Variants in CYFIP1 observed in about 807,000 individuals in gnomAD.
CYFIP1 encodes the protein cytoplasmic FMR1-interacting protein 1.
A neutral mutation model predicts 163.5 loss-of-function variants in CYFIP1; 58 were observed. That is an observed-to-expected ratio of 0.35 (90% CI 0.29 to 0.44). The LOEUF (loss-of-function observed/expected upper bound fraction) is 0.44, where lower values mean the gene tolerates loss of function less well. Among genes scored for constraint, CYFIP1 ranks in the 20% least tolerant of loss-of-function variants. CYFIP1 has a pLI of 1.00. For missense variants in CYFIP1, 1,338 were observed against 1,653.8 expected (o/e 0.81, Z 3.31); for synonymous variants, 663 against 660.7 (o/e 1.00, Z -0.05).
At chr15:22,957,365 A>G (rs567405553) in intron 1 of CYFIP1, among the ~76,000 whole-genome samples, 4 of 148,748 alleles carry the variant, frequency 2.7e-5, no homozygotes, top group South Asian at 2.2e-4. Context: ...GGCCGGGCGC[A>G]GTGGCTCACA....
chr15:22,942,327 T>C (rs1030887717), intron 6 of CYFIP1, among the ~76,000 whole-genome samples: 1 of 152,248 alleles, frequency 6.6e-6, no homozygotes, highest in Admixed American at 6.5e-5. Context: ...AGAGCTAAGA[T>C]GCCTTACTTA....
intron 1 of CYFIP1, among the ~76,000 whole-genome samples, chr15:22,969,547 T>C (rs2063018554): frequency 6.6e-6 from 1 of 152,168 alleles, no homozygotes; most frequent in Non-Finnish European, 1.5e-5. Context: ...ATCCTTCTAT[T>C]AGATAACCCT....
chr15:22,880,841 C>T (rs1439568204), intron 25 of CYFIP1, among the ~76,000 whole-genome samples: 1 of 152,074 alleles, frequency 6.6e-6, no homozygotes, highest in Non-Finnish European at 1.5e-5. Context: ...CCCCACTTGG[C>T]GGGGGTGGGG....
chr15:22,963,233 C>T lies in CYFIP1; in HGVS notation c.-6-15942G>A, dbSNP rs532723877. ...TAAAATGAGTAAGAAAGGCCAGACG[C>T]GGTGGCTCACACCTGTAATCTCAGC... On this transcript the variant is annotated intron_variant, in intron 1 of 30. Coordinates refer to ENST00000617928, the MANE Select transcript of CYFIP1 (RefSeq NM_014608.6). 2.6e-3 allele frequency among the ~76,000 whole-genome samples: 390 copies of T among 152,172 alleles called. 3 individuals carry two copies. The highest frequency in any genetic ancestry group is 8.9e-3 in the African/African-American group (370 of 41,496).
At chr15:22,949,459 G>C (rs1380224334) in intron 1 of CYFIP1, among the ~76,000 whole-genome samples, 2 of 152,168 alleles carry the variant, frequency 1.3e-5, no homozygotes, top group African/African-American at 4.8e-5. Flanking sequence ...CAGGAAGGGA[G>C]GTGGAAGGAG....
At chr15:22,870,551 ATCC>A (rs2059405601) in intron 30 of CYFIP1, among the ~76,000 whole-genome samples, 1 of 151,976 alleles carries the variant, frequency 6.6e-6, no homozygotes, top group Admixed American at 6.5e-5. Context: ...AGCTCAAGCA[ATCC>A]TCCTCTGCCT....
At chr15:22,889,051 C>A (rs867398743) in intron 23 of CYFIP1, among the ~76,000 whole-genome samples, 18 of 138,914 alleles carry the variant, frequency 1.3e-4, no homozygotes, top group East Asian at 4.9e-4. Flanking sequence ...AAAAAAAAAA[C>A]ACACAAAAAA....
At chr15:22,876,099 C>T (rs569100741) in intron 26 of CYFIP1, among the ~76,000 whole-genome samples, 3 of 151,694 alleles carry the variant, frequency 2.0e-5, no homozygotes, top group South Asian at 2.1e-4. Context: ...TCAGTGCCTC[C>T]GACCCCACAG....
rs2062009314 is a variant in CYFIP1 at position 22,944,922 on chromosome 15, C to T, written c.225G>A (p.Glu75=). The change falls in exon 4 of 31, where the codon GAG becomes GAA. Residue 75 remains glutamate (E), a synonymous_variant. Transcript: ENST00000617928. ...VHSSMNEMLE[E]GQEYAVMLYT... Reference sequence around the variant, plus strand: ...ACAGCATGACAGCATATTCTTGGCCCTCCTCCAGCATCTCGTTCTGCAATG... The same window carrying T: ...ACAGCATGACAGCATATTCTTGGCCTTCCTCCAGCATCTCGTTCTGCAATG... 1.9e-6 allele frequency: 3 copies of T among 1,614,104 alleles called. No individual in the cohort carries two copies. The South Asian group carries it at 3.3e-5, about 18-fold the overall frequency.
intron 13 of CYFIP1, among the ~76,000 whole-genome samples, chr15:22,920,442 T>TCA (rs2061136957): frequency 6.6e-6 from 1 of 152,190 alleles, no homozygotes; most frequent in Non-Finnish European, 1.5e-5. Context: ...CTGGTTTTAT[T>TCA]CACACCTTTT....
At chr15:22,978,868 G>A (rs969499871) in intron 1 of CYFIP1, among the ~76,000 whole-genome samples, 1 of 152,130 alleles carries the variant, frequency 6.6e-6, no homozygotes, top group Non-Finnish European at 1.5e-5. Context: ...ACAGACAGGC[G>A]GCTGCAAGAG....
chr15:22,914,635 AC>A (rs2060906281), intron 17 of CYFIP1, 90 bp downstream of exon 17: 1 of 1,343,938 alleles, frequency 7.4e-7, no homozygotes, highest in South Asian at 1.6e-5. Context: ...CAAATACAAT[AC>A]TAAAAACAGT....
At chr15:22,881,627 G>A (rs1427574613) in intron 25 of CYFIP1, among the ~76,000 whole-genome samples, 2 of 152,142 alleles carry the variant, frequency 1.3e-5, no homozygotes, top group Non-Finnish European at 2.9e-5. Flanking sequence ...CGAGAGCGTG[G>A]TGTTCAGGGG....
In CYFIP1 at chr15:22,903,797, A is replaced by T; in HGVS notation, c.2497T>A (p.Ser833Thr). ...AGGGTGATCCTCCCGTAGGGCGCTGACACGTTGTGGTTGGCCTCCCGGAAC... is the reference window on the plus strand; with the variant it reads ...AGGGTGATCCTCCCGTAGGGCGCTGTCACGTTGTGGTTGGCCTCCCGGAAC... Reference protein sequence around the residue: ...AMFREANHNVSAPYGRITLHV... With the variant: ...AMFREANHNVTAPYGRITLHV... The change falls in exon 22 of 31, where the codon TCA (serine) becomes ACA (threonine). Residue 833 changes from serine (S) to threonine (T), a missense_variant. Transcript: ENST00000617928. 6.2e-7 allele frequency: 1 copy of T among 1,614,196 alleles called. No individual in the cohort carries two copies. Among genetic ancestry groups the T allele is most frequent in the Non-Finnish European group, 8.5e-7 (1 of 1,180,038 alleles).
chr15:22,976,697 T>C (rs1423393192), intron 1 of CYFIP1, among the ~76,000 whole-genome samples: 1 of 152,188 alleles, frequency 6.6e-6, no homozygotes, highest in Non-Finnish European at 1.5e-5. Flanking sequence ...GCGCCTAATT[T>C]GTAAATTAAG....
At chr15:22,943,392 C>G (rs1387288045) in intron 5 of CYFIP1, 38 bp from the exon 6 acceptor site, 2 of 1,598,000 alleles carry the variant, frequency 1.3e-6, no homozygotes, top group East Asian at 4.5e-5. Flanking sequence ...AGCTGCAGGT[C>G]AGTGAGGAGC....
rs748632659 is a variant in CYFIP1, at chr15:22,870,173, TCCA to T, written c.3614_3616del (p.Val1205del). 1.2e-6 allele frequency: 2 copies of T among 1,610,282 alleles called. No individual in the cohort carries two copies. The highest frequency in any genetic ancestry group is 8.5e-7 in the Non-Finnish European group (1 of 1,178,572). On this transcript the variant is annotated inframe_deletion, in exon 31 of 31. Coordinates refer to ENST00000617928, the MANE Select transcript of CYFIP1 (RefSeq NM_014608.6). Reference sequence around the variant, plus strand: ...GAGAATCTGGAACTTGCGAATTCTCTCCACCATCTTCTTCAAAGGCTACAACCA... The same window carrying T: ...GAGAATCTGGAACTTGCGAATTCTCTCCATCTTCTTCAAAGGCTACAACCA...
intron 24 of CYFIP1, 53 bp from the exon 25 acceptor site, chr15:22,881,989 C>G (rs1025432705): frequency 4.6e-6 from 7 of 1,512,816 alleles, no homozygotes; most frequent in Non-Finnish European, 5.5e-6. Context: ...GCTCTGCTAA[C>G]GCCTGTGGCC....
chr15:22,873,351 C>T, intron 29 of CYFIP1, 140 bp downstream of exon 29: 1 of 687,368 alleles, frequency 1.5e-6, no homozygotes, highest in African/African-American at 1.8e-5. Flanking sequence ...ATCCCCACTA[C>T]AGGAGGCTTA....
Sources: allele counts gnomAD v4.1 joint callset (sites outside exome capture counted in the v4.1 genomes callset), GRCh38; gene constraint gnomAD v4.1.1; transcripts MANE v1.5; gene names NCBI Gene and HGNC (gene_info 2026-07-23, HGNC 2026-07-21).